SERPINB6: variants seen among roughly 807,000 people sequenced by gnomAD.
The protein encoded by SERPINB6 is serpin B6.
SERPINB6 carries 16 observed loss-of-function variants against 26.1 expected under a neutral mutation model. The ratio of observed to expected loss-of-function variants is 0.61; its 90% CI spans 0.42 to 0.93. The LOEUF (loss-of-function observed/expected upper bound fraction) is 0.93, where lower values mean the gene tolerates loss of function less well. Ranked by LOEUF, SERPINB6 falls within the 40% of genes least tolerant of loss-of-function variation. The probability of loss-of-function intolerance (pLI) is 0.00; values close to 1 mark genes in which losing one functional copy is unlikely to be tolerated. For synonymous variants in SERPINB6, 174 were observed against 176.6 expected (o/e 0.99, Z 0.11); for missense variants, 420 against 478.0 (o/e 0.88, Z 1.13).
At position 2,970,760 on chromosome 6, in the gene SERPINB6, A is replaced by T; in HGVS notation, c.-11+773T>A. 3.3e-6 allele frequency: 4 copies of T among 1,228,276 alleles called. No homozygotes were observed. In the African/African-American group the frequency reaches 4.7e-5, roughly 14 times the overall value. The allele number at this position is 1,228,276 out of a possible 1,614,324, so 76.1% of individuals were successfully genotyped here. ...AAAAAAAAAAGGAAGAAAATAACTT[A>T]AATGCCAATTTGTAGTTAAAGTTTC... is the stretch of plus-strand genomic sequence containing the variant. On this transcript the variant is annotated intron_variant, in intron 1 of 6. Coordinates refer to ENST00000380539, the MANE Select transcript of SERPINB6 (RefSeq NM_004568.6).
chr6:2,970,273 T>C (rs1334200975), intron 1 of SERPINB6: 1 of 985,516 alleles, frequency 1.0e-6, no homozygotes. Flanking sequence ...CATGCTGAAT[T>C]GTAATAAAAT....
rs777593541 is a variant in SERPINB6 at position 2,954,566 on chromosome 6, A to G, written c.430+26T>C. 12 of 1,526,856 alleles carry G rather than the reference A, an allele frequency of 7.9e-6. No homozygotes were observed. In the Admixed American group the frequency reaches 1.8e-4, roughly 23 times the overall value. 94.6% of individuals were successfully genotyped at this position (1,526,856 alleles called of 1,614,324 possible). A position where few individuals can be genotyped will look rare whatever the true frequency, so the allele number is the denominator to read the frequency against. On this transcript the variant is annotated intron_variant, in intron 4 of 6. Coordinates refer to ENST00000380539, the MANE Select transcript of SERPINB6 (RefSeq NM_004568.6). ...TAAAATGGATTAAGAGGTTATTACA[A>G]AAGTAGAATAACAATACATTTTCAC...
intron 1 of SERPINB6, chr6:2,970,916 T>C: frequency 3.3e-6 from 4 of 1,229,820 alleles, no homozygotes; most frequent in Non-Finnish European, 4.1e-6. Flanking sequence ...CTGAAAGTGC[T>C]GCGGATTGGC....
chr6:2,969,916 C>T, intron 1 of SERPINB6: 1 of 760,528 alleles, frequency 1.3e-6, no homozygotes. Context: ...GCGGGCAGAT[C>T]ACGAGGTCAG....
chr6:2,961,157 C>G (rs983900611), intron 1 of SERPINB6: 2 of 152,188 alleles, frequency 1.3e-5, no homozygotes, highest in African/African-American at 4.8e-5. Context: ...ACAGCAGCCA[C>G]GGGAAACCAA....
At chr6:2,969,249 C>T (rs1771911978) in intron 1 of SERPINB6, 21 of 985,510 alleles carry the variant, frequency 2.1e-5, no homozygotes, top group African/African-American at 3.5e-5. Context: ...ACAAGGATGC[C>T]TGTTTCACAG....
chr6:2,963,307 A>ATACCTAG (rs1206922676), intron 1 of SERPINB6: 2 of 152,252 alleles, frequency 1.3e-5, no homozygotes, highest in Admixed American at 6.5e-5. Flanking sequence ...TGCTAGGTCC[A>ATACCTAG]CACTGAAAGA....
In SERPINB6 at chr6:2,948,190, T is replaced by C. The variant is rs572899297; in HGVS notation, c.*108A>G. The C allele has an allele frequency of 4.0e-5, 51 of 1,290,876 alleles. No individual in the cohort carries two copies. The African/African-American group carries it at 7.2e-4, about 18-fold the overall frequency. The allele number at this position is 1,290,876 out of a possible 1,614,324, so 80.0% of individuals were successfully genotyped here. On this transcript the variant is annotated 3_prime_UTR_variant, in exon 7 of 7. Transcript: ENST00000380539. This position sits in a 1 kb window ranked among gnomAD's most constrained non-coding sequence, Gnocchi z 5.0. ...CGGCATCCCACAAATGGGCCCTTTA[T>C]TTCTGAACTGCCACCACTGCACGGA... is the stretch of plus-strand genomic sequence containing the variant.
At chr6:2,968,747 A>G (rs990267739) in intron 1 of SERPINB6, 124 of 1,231,588 alleles carry the variant, frequency 1.0e-4, no homozygotes, top group Non-Finnish European at 1.2e-4. Flanking sequence ...AGTTAAGAGG[A>G]AAACACAAAC....
chr6:2,958,361 C>T (rs1335150877), intron 2 of SERPINB6, among the ~76,000 whole-genome samples: 4 of 152,344 alleles, frequency 2.6e-5, no homozygotes, highest in East Asian at 3.9e-4. Context: ...CGACCAGCTA[C>T]ATCTGTGGTG....
Position 2,948,332 on chromosome 6 carries a change from C to T in SERPINB6, c.1097G>A (p.Gly366Glu). ...LFFIQHSKTN[G>E]ILFCGRFSSP Reference sequence around the variant, plus strand: ...GGAAAAGCGGCCGCAGAAGAGAATCCCGTTGGTCTTGCTGTGCTGGATGAA... The same window carrying T: ...GGAAAAGCGGCCGCAGAAGAGAATCTCGTTGGTCTTGCTGTGCTGGATGAA... The change falls in exon 7 of 7, where the codon GGG (glycine) becomes GAG (glutamate). Residue 366 changes from glycine (G) to glutamate (E), a missense_variant. Coordinates refer to ENST00000380539, the MANE Select transcript of SERPINB6 (RefSeq NM_004568.6). This position sits in a 1 kb window ranked among gnomAD's most constrained non-coding sequence, Gnocchi z 5.0. 3 of 1,614,062 alleles carry T rather than the reference C, an allele frequency of 1.9e-6. No homozygotes were observed. The highest frequency in any genetic ancestry group is 2.5e-6 in the Non-Finnish European group (3 of 1,180,012).
intron 1 of SERPINB6, chr6:2,970,005 G>T: frequency 2.2e-6 from 2 of 898,348 alleles, no homozygotes; most frequent in Non-Finnish European, 1.3e-6. Context: ...TATGGAGCCC[G>T]GGAGGTGGAG....
chr6:2,959,032 C>T (rs1397454881), intron 2 of SERPINB6, 136 bp downstream of exon 2: 6 of 1,180,004 alleles, frequency 5.1e-6, no homozygotes, highest in Non-Finnish European at 6.1e-6. Flanking sequence ...GGTGGCATGC[C>T]CTTCCCTGTA....
intron 3 of SERPINB6, 38 bp downstream of exon 3, chr6:2,955,486 C>CT: frequency 4.3e-6 from 7 of 1,613,902 alleles, no homozygotes; most frequent in Non-Finnish European, 5.1e-6. Context: ...ACCTGGCCAC[C>CT]TTTATTTCTT....
At chr6:2,954,887 C>G in intron 3 of SERPINB6, 178 bp from the exon 4 acceptor site, 1 of 607,248 alleles carries the variant, frequency 1.6e-6, no homozygotes, top group Non-Finnish European at 2.9e-6. Context: ...ATATTTAATC[C>G]TAGCTTAAAA....
chr6:2,967,353 T>G lies in SERPINB6; in HGVS notation c.-11+4180A>C, dbSNP rs1268232312. ...CTATAAAAAACCCTGGAAGACAATC[T>G]AGGCAATACCATTCTGGACATAGGA... On this transcript the variant is annotated intron_variant, in intron 1 of 6. Coordinates refer to ENST00000380539, the MANE Select transcript of SERPINB6 (RefSeq NM_004568.6). The surrounding 1 kb of genome is among the most constrained non-coding windows in gnomAD (Gnocchi z 4.3). 6.4e-6 allele frequency: 2 copies of G among 311,680 alleles called. No individual in the cohort carries two copies. The highest frequency in any genetic ancestry group is 4.5e-5 in the African/African-American group (2 of 44,240). The allele number at this position is 311,680 out of a possible 1,614,324, so 19.3% of individuals were successfully genotyped here. A position where few individuals can be genotyped will look rare whatever the true frequency, so the allele number is the denominator to read the frequency against.
chr6:2,969,860 G>A (rs886497534), intron 1 of SERPINB6: 2 of 945,632 alleles, frequency 2.1e-6, no homozygotes, highest in Non-Finnish European at 2.5e-6. Context: ...TTTCAGGCTA[G>A]GCGCAGTGGC....
At chr6:2,954,888 T>A in intron 3 of SERPINB6, 179 bp from the exon 4 acceptor site, 1 of 603,970 alleles carries the variant, frequency 1.7e-6, no homozygotes, top group Non-Finnish European at 2.9e-6. Context: ...TATTTAATCC[T>A]AGCTTAAAAA....
At chr6:2,955,291 G>T in intron 3 of SERPINB6, 1 of 566,682 alleles carries the variant, frequency 1.8e-6, no homozygotes, top group Non-Finnish European at 3.1e-6. Context: ...TAAGGGAGCA[G>T]CCATGCATCA....
Sources: gnomAD v4.1 joint callset for allele counts (sites outside exome capture counted in the v4.1 genomes callset) on GRCh38, gnomAD v4.1.1 for gene constraint, Gnocchi (gnomAD v3.1) non-coding constraint, MANE v1.5 for transcripts, NCBI Gene and HGNC (gene_info 2026-07-23, HGNC 2026-07-21) for gene names.